GRIA2: variants seen among roughly 807,000 people sequenced by gnomAD.
GRIA2 encodes glutamate ionotropic receptor AMPA type subunit 2, also known as glutamate receptor 2.
In GRIA2, 14 loss-of-function variants were observed where a neutral mutation model predicts 97.3. That is an observed-to-expected ratio of 0.14 (90% CI 0.10 to 0.23). GRIA2 has a LOEUF of 0.23. GRIA2 is among the 10% of genes least tolerant of loss of function. The pLI, the probability that GRIA2 is intolerant of heterozygous loss-of-function variation, is 1.00. For synonymous variants in GRIA2, 412 were observed against 387.8 expected, an observed-to-expected ratio of 1.06 and a Z score of -0.73; for missense variants, 558 against 1,069.8, an observed-to-expected ratio of 0.52 and a Z score of 6.67.
At chr4:157,246,136 T>C (rs182777338) in intron 2 of GRIA2, among the ~76,000 whole-genome samples, 16 of 152,244 alleles carry the variant, frequency 1.1e-4, no homozygotes, top group Admixed American at 3.3e-4. Flanking sequence ...ACGTTTAGTT[T>C]TAAAATAACT....
chr4:157,222,074 G>C (rs1294807381), intron 2 of GRIA2, among the ~76,000 whole-genome samples: 1 of 152,136 alleles, frequency 6.6e-6, no homozygotes, highest in Non-Finnish European at 1.5e-5. Flanking sequence ...GTTGGAGCCA[G>C]GGAGGGCGGC....
chr4:157,346,625 A>C (rs1735776951), intron 12 of GRIA2, among the ~76,000 whole-genome samples: 1 of 152,146 alleles, frequency 6.6e-6, no homozygotes, highest in Non-Finnish European at 1.5e-5. Flanking sequence ...ACCAATGCTT[A>C]AATATTTAAA....
intron 3 of GRIA2, among the ~76,000 whole-genome samples, chr4:157,307,342 G>A (rs1297660710): frequency 6.6e-6 from 1 of 152,198 alleles, no homozygotes; most frequent in Non-Finnish European, 1.5e-5. Context: ...TAGAGACATG[G>A]ATGCATGGAT....
intron 12 of GRIA2, among the ~76,000 whole-genome samples, chr4:157,356,695 C>T (rs1736395189): frequency 6.6e-6 from 1 of 152,098 alleles, no homozygotes; most frequent in African/African-American, 2.4e-5. Flanking sequence ...AAAATTTTAA[C>T]AGGAAATGCT....
chr4:157,293,133 T>G (rs1733181285), intron 2 of GRIA2, among the ~76,000 whole-genome samples: 1 of 152,142 alleles, frequency 6.6e-6, no homozygotes, highest in Non-Finnish European at 1.5e-5. Context: ...TATATTTGGG[T>G]GATAATTTGA....
At chr4:157,289,326 A>G (rs1251154767) in intron 2 of GRIA2, among the ~76,000 whole-genome samples, 1 of 151,950 alleles carries the variant, frequency 6.6e-6, no homozygotes, top group African/African-American at 2.4e-5. Flanking sequence ...ATGAAAGTAA[A>G]CATGAGTGCA....
intron 3 of GRIA2, among the ~76,000 whole-genome samples, chr4:157,309,787 A>C (rs1378468398): frequency 4.6e-5 from 7 of 152,222 alleles, no homozygotes; most frequent in Admixed American, 4.6e-4. Flanking sequence ...GTTGAGACAT[A>C]ATATTAAGAG....
chr4:157,231,023 T>G (rs1381804923), intron 2 of GRIA2, among the ~76,000 whole-genome samples: 1 of 151,826 alleles, frequency 6.6e-6, no homozygotes, highest in Non-Finnish European at 1.5e-5. Context: ...TGAGCTAATT[T>G]TATTTTATTT....
At position 157,277,920 on chromosome 4, in the gene GRIA2, G is replaced by GTA. The variant is rs1250217874; in HGVS notation, c.230-25622_230-25621dup. Among the ~76,000 whole-genome samples the GTA allele has an allele frequency of 3.0e-3, 309 of 103,936 alleles. 1 individual carries two copies. The highest frequency in any genetic ancestry group is 4.5e-3 in the Non-Finnish European group (221 of 49,290). 68.2% of individuals were successfully genotyped at this position (103,936 alleles called of 152,430 possible). On this transcript the variant is annotated intron_variant, in intron 2 of 15. Coordinates refer to ENST00000264426, the MANE Select transcript of GRIA2 (RefSeq NM_001083619.3). ...TATATATGTATATATGTATATATATGTATATATATATGTGAGGAAAAGTAC... is the reference window on the plus strand; with the variant it reads ...TATATATGTATATATGTATATATATGTATATATATATATGTGAGGAAAAGTAC...
chr4:157,321,646 A>G (rs200734599), intron 6 of GRIA2, 47 bp downstream of exon 6: 20 of 1,370,888 alleles, frequency 1.5e-5, no homozygotes, highest in Middle Eastern at 3.8e-4. Flanking sequence ...ATGTGAGGAG[A>G]GAGAAGAGTC....
chr4:157,225,621 C>CT (rs34394801), intron 2 of GRIA2, among the ~76,000 whole-genome samples: 88,355 of 143,770 alleles, frequency 0.61, 27,228 homozygotes, highest in East Asian at 0.81. Flanking sequence ...TTCATGTTAA[C>CT]TTTTTTTTTT....
At chr4:157,222,471 T>C (rs1004761511) in intron 2 of GRIA2, among the ~76,000 whole-genome samples, 4 of 144,908 alleles carry the variant, frequency 2.8e-5, no homozygotes, top group Non-Finnish European at 6.1e-5. Context: ...CCGGGTGGCG[T>C]GGGGGTGGGG....
intron 5 of GRIA2, among the ~76,000 whole-genome samples, chr4:157,319,330 A>C (rs564417184): frequency 6.6e-6 from 1 of 152,314 alleles, no homozygotes; most frequent in African/African-American, 2.4e-5. Context: ...ATTGAGAAAT[A>C]ATGACAGAAG....
chr4:157,344,457 T>C (rs1735683242), intron 12 of GRIA2, among the ~76,000 whole-genome samples: 1 of 152,042 alleles, frequency 6.6e-6, no homozygotes, highest in African/African-American at 2.4e-5. Flanking sequence ...GGGTTATGGG[T>C]GAAGTGGGCT....
chr4:157,269,571 C>T (rs1731926541), intron 2 of GRIA2, among the ~76,000 whole-genome samples: 1 of 152,026 alleles, frequency 6.6e-6, no homozygotes, highest in Non-Finnish European at 1.5e-5. Flanking sequence ...CTGAACTGTT[C>T]ATCATCATCA....
chr4:157,260,802 T>C (rs957470001), intron 2 of GRIA2, among the ~76,000 whole-genome samples: 5 of 152,010 alleles, frequency 3.3e-5, no homozygotes, highest in Admixed American at 6.6e-5. Context: ...TTTTCCTCCT[T>C]CATTTCCTCC....
intron 12 of GRIA2, among the ~76,000 whole-genome samples, chr4:157,359,658 A>G (rs1210556342): frequency 6.6e-6 from 1 of 152,134 alleles, no homozygotes; most frequent in Non-Finnish European, 1.5e-5. Flanking sequence ...CTAGATATAC[A>G]GTATTTTGTT....
intron 2 of GRIA2, among the ~76,000 whole-genome samples, chr4:157,237,820 A>G (rs1173341220): frequency 6.6e-6 from 1 of 152,156 alleles, no homozygotes; most frequent in Non-Finnish European, 1.5e-5. Flanking sequence ...AGGGATAAAT[A>G]AAGGATGTTA....
chr4:157,285,710 G>A (rs369881676), intron 2 of GRIA2, among the ~76,000 whole-genome samples: 9 of 151,418 alleles, frequency 5.9e-5, no homozygotes, highest in African/African-American at 1.7e-4. Context: ...TGGCTTCTAC[G>A]CTCTGTGTAC....
Sources: allele counts gnomAD v4.1 joint callset (sites outside exome capture counted in the v4.1 genomes callset), GRCh38; gene constraint gnomAD v4.1.1; transcripts MANE v1.5; gene names NCBI Gene and HGNC (gene_info 2026-07-23, HGNC 2026-07-21).